CFAP54: variants seen among roughly 807,000 people sequenced by gnomAD.
CFAP54 encodes cilia and flagella associated protein 54, also known as cilia- and flagella-associated protein 54.
Under a neutral mutation model 370.4 loss-of-function variants are expected in CFAP54, and 290 were observed. That is an observed-to-expected ratio of 0.78 (90% CI 0.71 to 0.86). The LOEUF (loss-of-function observed/expected upper bound fraction) is 0.86, where lower values mean the gene tolerates loss of function less well. Among genes scored for constraint, CFAP54 ranks in the 40% least tolerant of loss-of-function variants. The probability of loss-of-function intolerance (pLI) is 0.00; values close to 1 mark genes in which losing one functional copy is unlikely to be tolerated. For synonymous variants in CFAP54, 1,206 were observed against 1,236.5 expected, an observed-to-expected ratio of 0.98 and a Z score of 0.52; for missense variants, 3,399 against 3,528.7, an observed-to-expected ratio of 0.96 and a Z score of 0.93.
intron 66 of CFAP54, among the ~76,000 whole-genome samples, chr12:96,845,666 G>T (rs1454804000): frequency 6.6e-6 from 1 of 152,212 alleles, no homozygotes; most frequent in East Asian, 1.9e-4. Flanking sequence ...CTGCCTAACT[G>T]CTTCCTTCCC....
At chr12:96,541,287 C>CTTTT (rs34387826) in intron 14 of CFAP54, among the ~76,000 whole-genome samples, 1 of 135,884 alleles carries the variant, frequency 7.4e-6, no homozygotes, top group East Asian at 2.2e-4. Flanking sequence ...CTTTCTCTCC[C>CTTTT]TTTTTTTTTT....
chr12:96,829,591 G>A (rs1959164518), intron 66 of CFAP54, among the ~76,000 whole-genome samples: 1 of 151,858 alleles, frequency 6.6e-6, no homozygotes, highest in Non-Finnish European at 1.5e-5. Context: ...TTATTGATGG[G>A]TTCTGCAGTT....
intron 50 of CFAP54, among the ~76,000 whole-genome samples, chr12:96,729,167 G>A (rs1957883747): frequency 6.6e-6 from 1 of 152,212 alleles, no homozygotes; most frequent in Non-Finnish European, 1.5e-5. Context: ...CCCGTTCTCA[G>A]ATCTCCAGCT....
intron 50 of CFAP54, among the ~76,000 whole-genome samples, chr12:96,730,671 A>T (rs1316072180): frequency 6.6e-6 from 1 of 152,190 alleles, no homozygotes; most frequent in East Asian, 1.9e-4. Context: ...ATTCAAATTG[A>T]AATTTGGAAG....
chr12:96,561,704 TACACACACACACACACACAC>T (rs56098924), intron 17 of CFAP54, among the ~76,000 whole-genome samples: 21 of 125,374 alleles, frequency 1.7e-4, no homozygotes, highest in South Asian at 2.7e-4. Flanking sequence ...AGCTAAGAAA[TACACACACACACACACACAC>T]ACACACACAC....
At chr12:96,864,611 A>G (rs1472094436) in intron 67 of CFAP54, among the ~76,000 whole-genome samples, 3 of 152,118 alleles carry the variant, frequency 2.0e-5, no homozygotes, top group Admixed American at 6.5e-5. Flanking sequence ...GAGCAACATC[A>G]TGCAAATCCC....
At chr12:96,703,045 G>A (rs765138541) in intron 46 of CFAP54, among the ~76,000 whole-genome samples, 14 of 151,854 alleles carry the variant, frequency 9.2e-5, no homozygotes, top group Non-Finnish European at 1.8e-4. Context: ...ACTTTTCAAT[G>A]TATTATGGGT....
At chr12:96,773,977 A>C (rs1275279701) in intron 60 of CFAP54, among the ~76,000 whole-genome samples, 1 of 152,204 alleles carries the variant, frequency 6.6e-6, no homozygotes, top group Admixed American at 6.5e-5. Flanking sequence ...GTCAGCAGTT[A>C]ATAAATGGTC....
chr12:96,697,318 A>G (rs2136572647), intron 45 of CFAP54, among the ~76,000 whole-genome samples: 1 of 152,316 alleles, frequency 6.6e-6, no homozygotes, highest in Non-Finnish European at 1.5e-5. Flanking sequence ...ACATACAGAT[A>G]TGGGGAAGTG....
Position 96,675,151 on chromosome 12 carries a change from A to G in CFAP54, c.5564-4449A>G, listed in dbSNP as rs182654035. 5.3e-3 allele frequency among the ~76,000 whole-genome samples: 802 copies of G among 152,132 alleles called. 5 individuals are homozygous for G. Among genetic ancestry groups the G allele is most frequent in the Non-Finnish European group, 9.0e-3 (612 of 67,952 alleles). Reference sequence around the variant, plus strand: ...AAACTACCATCAGAGTGAACAGGCAACCTACAGAATGGGAGAAAATTTTTG... The same window carrying G: ...AAACTACCATCAGAGTGAACAGGCAGCCTACAGAATGGGAGAAAATTTTTG... On this transcript the variant is annotated intron_variant, in intron 39 of 67. Coordinates refer to ENST00000524981, the MANE Select transcript of CFAP54 (RefSeq NM_001306084.2).
intron 67 of CFAP54, among the ~76,000 whole-genome samples, chr12:96,862,917 A>G (rs1211825873): frequency 6.6e-6 from 1 of 152,180 alleles, no homozygotes; most frequent in Non-Finnish European, 1.5e-5. Flanking sequence ...GAAAGGTGCA[A>G]CAAAGTACCT....
chr12:96,794,610 G>C (rs1010705774), intron 63 of CFAP54, among the ~76,000 whole-genome samples: 1 of 151,740 alleles, frequency 6.6e-6, no homozygotes, highest in Non-Finnish European at 1.5e-5. Flanking sequence ...TATTTATGCT[G>C]TCTATTTCTC....
chr12:96,559,815 T>C (rs922330512), intron 17 of CFAP54, among the ~76,000 whole-genome samples: 25 of 152,216 alleles, frequency 1.6e-4, no homozygotes, highest in Admixed American at 1.6e-3. Context: ...TGAAGAAAGG[T>C]AACACTGATA....
At chr12:96,649,336 C>T (rs1466991211) in intron 34 of CFAP54, among the ~76,000 whole-genome samples, 1 of 152,110 alleles carries the variant, frequency 6.6e-6, no homozygotes, top group Non-Finnish European at 1.5e-5. Flanking sequence ...TTTTTTAAAA[C>T]TGGCTCTCTA....
At chr12:96,780,419 C>T (rs756772921) in intron 60 of CFAP54, among the ~76,000 whole-genome samples, 24 of 151,934 alleles carry the variant, frequency 1.6e-4, no homozygotes, top group Admixed American at 7.2e-4. Context: ...AACAGTGTAT[C>T]GAAAAAGACC....
chr12:96,688,312 C>A (rs1160569221), intron 42 of CFAP54, among the ~76,000 whole-genome samples: 2 of 152,114 alleles, frequency 1.3e-5, no homozygotes, highest in African/African-American at 4.8e-5. Flanking sequence ...TAATAAACAG[C>A]TAGAGAGAAA....
chr12:96,675,954 G>A (rs983347246), intron 39 of CFAP54, among the ~76,000 whole-genome samples: 10 of 151,854 alleles, frequency 6.6e-5, no homozygotes, highest in African/African-American at 2.4e-4. Context: ...GGGGGGCAGG[G>A]GAGGGATAGC....
intron 50 of CFAP54, among the ~76,000 whole-genome samples, chr12:96,726,245 G>C (rs1217523506): frequency 6.6e-6 from 1 of 151,738 alleles, no homozygotes; most frequent in Admixed American, 6.6e-5. Flanking sequence ...AGTTTCAGAA[G>C]GAATGGTACC....
chr12:96,852,727 A>C (rs1959584190), intron 66 of CFAP54, among the ~76,000 whole-genome samples: 1 of 152,098 alleles, frequency 6.6e-6, no homozygotes, highest in Non-Finnish European at 1.5e-5. Context: ...GAGTGGGAGA[A>C]ATTTTTATAT....
Sources: gnomAD v4.1 joint callset for allele counts (sites outside exome capture counted in the v4.1 genomes callset) on GRCh38, gnomAD v4.1.1 for gene constraint, MANE v1.5 for transcripts, NCBI Gene and HGNC (gene_info 2026-07-23, HGNC 2026-07-21) for gene names.